FHL2: variants seen among roughly 807,000 people sequenced by gnomAD.
FHL2 encodes four and a half LIM domains 2.
Under a neutral mutation model 32.7 loss-of-function variants are expected in FHL2, and 20 were observed. The ratio of observed to expected loss-of-function variants is 0.61; its 90% CI spans 0.43 to 0.89. The LOEUF (loss-of-function observed/expected upper bound fraction) is 0.89, where lower values mean the gene tolerates loss of function less well. Ranked by LOEUF, FHL2 falls within the 40% of genes least tolerant of loss-of-function variation. The probability of loss-of-function intolerance (pLI) is 0.00; values close to 1 mark genes in which losing one functional copy is unlikely to be tolerated. For synonymous variants in FHL2, 123 were observed against 128.1 expected, an observed-to-expected ratio of 0.96 and a Z score of 0.27; for missense variants, 311 against 358.6, an observed-to-expected ratio of 0.87 and a Z score of 1.07.
chr2:105,428,013 A>G (rs921819855), intron 1 of FHL2, among the ~76,000 whole-genome samples: 2 of 152,178 alleles, frequency 1.3e-5, no homozygotes, highest in Non-Finnish European at 2.9e-5. Flanking sequence ...ATGTAAATTC[A>G]CCTCTGATTT....
chr2:105,386,317 T>G (rs1682306573), intron 3 of FHL2, 44 bp downstream of exon 3: 1 of 1,603,108 alleles, frequency 6.2e-7, no homozygotes. Context: ...AACCCGTGTT[T>G]CCTAGGGGAG....
At chr2:105,412,098 T>A (rs1235509385) in intron 1 of FHL2, among the ~76,000 whole-genome samples, 1 of 152,210 alleles carries the variant, frequency 6.6e-6, no homozygotes, top group Non-Finnish European at 1.5e-5. Flanking sequence ...CTAAAAGAAT[T>A]GAAAGCAGGG....
At chr2:105,420,184 T>C (rs985225618) in intron 1 of FHL2, among the ~76,000 whole-genome samples, 2 of 152,224 alleles carry the variant, frequency 1.3e-5, no homozygotes, top group African/African-American at 4.8e-5. Flanking sequence ...TCAGCAGGGT[T>C]GGTCCCTTCT....
upstream of FHL2, among the ~76,000 whole-genome samples, chr2:105,402,269 T>TG (rs1260143127): frequency 6.6e-6 from 1 of 151,574 alleles, no homozygotes; most frequent in African/African-American, 2.4e-5. Flanking sequence ...GTATTTGAGA[T>TG]GGAGTCTTGC....
intron 1 of FHL2, among the ~76,000 whole-genome samples, chr2:105,418,073 G>C (rs1009156431): frequency 6.6e-6 from 1 of 152,148 alleles, no homozygotes; most frequent in Non-Finnish European, 1.5e-5. Flanking sequence ...AACACTTTAG[G>C]CTGGGGAAGT....
At chr2:105,366,630 G>A (rs1367401813) in intron 5 of FHL2, among the ~76,000 whole-genome samples, 4 of 152,230 alleles carry the variant, frequency 2.6e-5, no homozygotes, top group Admixed American at 6.5e-5. Flanking sequence ...GGTGCAGGTC[G>A]GGGGGCAACT....
chr2:105,412,157 A>G (rs1311911252), intron 1 of FHL2, among the ~76,000 whole-genome samples: 1 of 152,232 alleles, frequency 6.6e-6, no homozygotes, highest in East Asian at 1.9e-4. Flanking sequence ...ATTATTCACA[A>G]TAGCCAACAG....
intron 1 of FHL2, among the ~76,000 whole-genome samples, chr2:105,405,504 C>T (rs1219111463): frequency 6.6e-6 from 1 of 152,166 alleles, no homozygotes; most frequent in East Asian, 1.9e-4. Flanking sequence ...TCTGCCTTCC[C>T]TGATTCAAGT....
upstream of FHL2, chr2:105,399,161 C>T: frequency 7.3e-7 from 1 of 1,361,160 alleles, no homozygotes. Context: ...GGGGGGCGGG[C>T]GCCCCCAGGC....
intron 1 of FHL2, among the ~76,000 whole-genome samples, chr2:105,420,227 C>T (rs1684058267): frequency 6.6e-6 from 1 of 152,212 alleles, no homozygotes; most frequent in African/African-American, 2.4e-5. Context: ...CTCCATGCCT[C>T]TCCCTAGCTG....
intron 1 of FHL2, among the ~76,000 whole-genome samples, chr2:105,425,810 TCTC>T (rs2104675216): frequency 6.6e-6 from 1 of 152,044 alleles, no homozygotes; most frequent in South Asian, 2.1e-4. Context: ...TTGCTGACCT[TCTC>T]CTTATTATCA....
At chr2:105,384,617 C>T (rs1371074384) in intron 3 of FHL2, among the ~76,000 whole-genome samples, 1 of 152,186 alleles carries the variant, frequency 6.6e-6, no homozygotes, top group Non-Finnish European at 1.5e-5. Context: ...AAGTGATTCT[C>T]GTGCCTCAGC....
At chr2:105,438,101 A>G (rs1684665949) in intron 1 of FHL2, among the ~76,000 whole-genome samples, 1 of 152,122 alleles carries the variant, frequency 6.6e-6, no homozygotes, top group Non-Finnish European at 1.5e-5. Context: ...CAGAGGTTCA[A>G]TTTTATTTAA....
intron 3 of FHL2, among the ~76,000 whole-genome samples, chr2:105,375,010 C>T (rs945304045): frequency 3.9e-5 from 6 of 152,166 alleles, no homozygotes; most frequent in African/African-American, 9.7e-5. Flanking sequence ...AAACCGAAGT[C>T]GAAGCTGGAG....
At chr2:105,386,033 G>A (rs912841619) in intron 3 of FHL2, 6 of 416,790 alleles carry the variant, frequency 1.4e-5, no homozygotes, top group East Asian at 1.4e-4. Flanking sequence ...AAACAGACAA[G>A]AGGAAGAGAG....
At chr2:105,393,313 C>A (rs192719022) in intron 2 of FHL2, among the ~76,000 whole-genome samples, 3 of 152,128 alleles carry the variant, frequency 2.0e-5, no homozygotes, top group East Asian at 3.9e-4. Flanking sequence ...TGTGAACGTC[C>A]CCAAGCCCTT....
At chr2:105,411,376 T>TA (rs375362899) in intron 1 of FHL2, among the ~76,000 whole-genome samples, 4 of 151,756 alleles carry the variant, frequency 2.6e-5, no homozygotes, top group South Asian at 2.1e-4. Context: ...GAGCAAATTT[T>TA]AAAAAAAAGT....
chr2:105,366,774 C>T (rs1680661794), intron 5 of FHL2, among the ~76,000 whole-genome samples: 1 of 152,148 alleles, frequency 6.6e-6, no homozygotes, highest in Non-Finnish European at 1.5e-5. Context: ...GAGATGGAGT[C>T]TCGCTCAGTC....
At chr2:105,428,417 T>C (rs1684326850) in intron 1 of FHL2, among the ~76,000 whole-genome samples, 1 of 152,228 alleles carries the variant, frequency 6.6e-6, no homozygotes, top group Non-Finnish European at 1.5e-5. Flanking sequence ...ATAATTCTCA[T>C]GTCCTGTTGA....
Sources: gnomAD v4.1 joint callset for allele counts (sites outside exome capture counted in the v4.1 genomes callset) on GRCh38, gnomAD v4.1.1 for gene constraint, MANE v1.5 for transcripts, NCBI Gene and HGNC (gene_info 2026-07-23, HGNC 2026-07-21) for gene names.